The following KAT6B variants were observed in gnomAD, a reference collection of about 807,000 sequenced individuals.
KAT6B encodes the protein lysine acetyltransferase 6B, also known as histone acetyltransferase KAT6B.
In KAT6B, 10 loss-of-function variants were observed where a neutral mutation model predicts 187.5. The observed-to-expected ratio is 0.05, with a 90% CI of 0.03 to 0.09. The LOEUF (loss-of-function observed/expected upper bound fraction) is 0.09. Ranked by LOEUF, KAT6B falls within the 10% of genes least tolerant of loss-of-function variation. KAT6B has a pLI of 1.00. For missense variants in KAT6B, 1,952 were observed against 2,558.9 expected (o/e 0.76, Z 5.12); for synonymous variants, 861 against 926.8 (o/e 0.93, Z 1.29).
chr10:74,949,444 A>C (rs1840167414), intron 3 of KAT6B, among the ~76,000 whole-genome samples: 3 of 152,212 alleles, frequency 2.0e-5, no homozygotes, highest in African/African-American at 4.8e-5. Flanking sequence ...CAAAACAAAA[A>C]AAACAAGAAA....
intron 3 of KAT6B, among the ~76,000 whole-genome samples, chr10:74,909,062 G>T (rs866502810): frequency 4.6e-5 from 7 of 152,132 alleles, no homozygotes; most frequent in South Asian, 2.1e-4. Flanking sequence ...GTTAGAAATG[G>T]CCATCTTAGC....
At chr10:74,830,757 TATATATATATA>T (rs1444143409) in intron 1 of KAT6B, among the ~76,000 whole-genome samples, 26 of 31,426 alleles carry the variant, frequency 8.3e-4, no homozygotes, top group African/African-American at 3.8e-3. Context: ...TATATATATA[TATATATATATA>T]TTTTTTTTTT....
intron 3 of KAT6B, among the ~76,000 whole-genome samples, chr10:74,911,002 AT>A: frequency 6.6e-6 from 1 of 152,108 alleles, no homozygotes; most frequent in Admixed American, 6.5e-5. Flanking sequence ...TAAAAAATGT[AT>A]TTTGAGATTG....
At chr10:74,830,770 T>TATATATGTATATATA (rs60886313) in intron 1 of KAT6B, among the ~76,000 whole-genome samples, 1 of 9,628 alleles carries the variant, frequency 1.0e-4, no homozygotes, top group African/African-American at 3.0e-4. Context: ...ATATATATAT[T>TATATATGTATATATA]TTTTTTTTTT....
At chr10:74,846,507 T>G (rs1842111239) in intron 3 of KAT6B, among the ~76,000 whole-genome samples, 1 of 152,114 alleles carries the variant, frequency 6.6e-6, no homozygotes, top group Non-Finnish European at 1.5e-5. Flanking sequence ...GGCATGATCT[T>G]GGCTCACTGC....
chr10:74,841,842 T>G (rs1258855886), intron 2 of KAT6B, among the ~76,000 whole-genome samples: 1 of 152,236 alleles, frequency 6.6e-6, no homozygotes, highest in Non-Finnish European at 1.5e-5. Context: ...GTAGATGTAC[T>G]CAATACCAGA....
At chr10:74,902,346 C>G (rs138689018) in intron 3 of KAT6B, among the ~76,000 whole-genome samples, 165 of 152,188 alleles carry the variant, frequency 1.1e-3, no homozygotes, top group African/African-American at 3.4e-3. Context: ...CCCATGCTTT[C>G]CAAAGCAGGG....
intron 4 of KAT6B, among the ~76,000 whole-genome samples, chr10:74,964,757 TTCC>T (rs1365632838): frequency 6.6e-6 from 1 of 152,152 alleles, no homozygotes; most frequent in African/African-American, 2.4e-5. Context: ...CCTGGAGGAT[TTCC>T]TATATTCAGC....
chr10:74,962,000 T>C (rs1165181118), intron 4 of KAT6B, among the ~76,000 whole-genome samples: 1 of 152,022 alleles, frequency 6.6e-6, no homozygotes. Flanking sequence ...AGCCCTGGGG[T>C]CACCATGTCT....
intron 3 of KAT6B, among the ~76,000 whole-genome samples, chr10:74,951,148 G>A (rs1447319667): frequency 2.8e-5 from 4 of 142,202 alleles, no homozygotes; most frequent in Non-Finnish European, 4.6e-5. Flanking sequence ...TGTTTCTTTT[G>A]AGACAGAATC....
intron 3 of KAT6B, among the ~76,000 whole-genome samples, chr10:74,855,773 A>G (rs1454418659): frequency 1.3e-5 from 2 of 152,202 alleles, no homozygotes; most frequent in Non-Finnish European, 2.9e-5. Flanking sequence ...AGAGTAGTAC[A>G]GTAAACACTC....
intron 2 of KAT6B, among the ~76,000 whole-genome samples, chr10:74,842,059 A>T (rs950162357): frequency 1.3e-5 from 2 of 152,204 alleles, no homozygotes; most frequent in South Asian, 4.1e-4. Flanking sequence ...TGTGGGTTAG[A>T]GGGTATCATA....
chr10:74,867,832 A>G (rs747568978), intron 3 of KAT6B, among the ~76,000 whole-genome samples: 24 of 152,236 alleles, frequency 1.6e-4, no homozygotes, highest in Non-Finnish European at 2.8e-4. Context: ...AAGGGTGGTC[A>G]GTCTAATCCA....
At chr10:75,016,699 C>G (rs185587168) in intron 13 of KAT6B, among the ~76,000 whole-genome samples, 1 of 152,202 alleles carries the variant, frequency 6.6e-6, no homozygotes, top group South Asian at 2.1e-4. Flanking sequence ...TGTTTTCCAT[C>G]TGAAACAGCC....
chr10:75,021,382 A>G, intron 15 of KAT6B, 97 bp downstream of exon 15: 1 of 1,197,696 alleles, frequency 8.3e-7, no homozygotes, highest in South Asian at 1.3e-5. Flanking sequence ...AAGCTTGGTT[A>G]TGTAGAGATA....
chr10:75,026,356 C>G (rs527808653), intron 17 of KAT6B, among the ~76,000 whole-genome samples: 4 of 152,068 alleles, frequency 2.6e-5, no homozygotes, highest in Non-Finnish European at 5.9e-5. Flanking sequence ...ACGTGTGCTC[C>G]CAGCTGAATC....
intron 3 of KAT6B, among the ~76,000 whole-genome samples, chr10:74,915,689 G>A (rs918499331): frequency 6.6e-6 from 1 of 152,018 alleles, no homozygotes; most frequent in African/African-American, 2.4e-5. Context: ...TTCATCATCC[G>A]TCTTTCAGAT....
intron 13 of KAT6B, among the ~76,000 whole-genome samples, chr10:75,016,218 G>A (rs1413064422): frequency 1.3e-5 from 2 of 152,140 alleles, no homozygotes; most frequent in Non-Finnish European, 2.9e-5. Flanking sequence ...TCTCCCACTG[G>A]GAGAGAGTTA....
chr10:74,952,846 A>ATTTTTTTTTTTTT (rs34687036), intron 3 of KAT6B, among the ~76,000 whole-genome samples: 37 of 90,532 alleles, frequency 4.1e-4, no homozygotes, highest in Non-Finnish European at 5.7e-4. Flanking sequence ...TGCCTGGCTA[A>ATTTTTTTTTTTTT]TTTTTTTTTT....
Sources: allele counts gnomAD v4.1 joint callset (sites outside exome capture counted in the v4.1 genomes callset), GRCh38; gene constraint gnomAD v4.1.1; transcripts MANE v1.5; gene names NCBI Gene and HGNC (gene_info 2026-07-23, HGNC 2026-07-21).